The following CEP128 variants were observed in gnomAD, a reference collection of about 807,000 sequenced individuals.
The protein encoded by CEP128 is centrosomal protein 128kDa.
A neutral mutation model predicts 156.7 loss-of-function variants in CEP128; 132 were observed. That is an observed-to-expected ratio of 0.84 (90% CI 0.73 to 0.97). CEP128 has a LOEUF of 0.97. Among genes scored for constraint, CEP128 ranks in the 50% least tolerant of loss-of-function variants. CEP128 has a pLI of 0.00. For missense variants in CEP128, 1,252 were observed against 1,281.9 expected (o/e 0.98, Z 0.36); for synonymous variants, 469 against 448.9 (o/e 1.04, Z -0.57).
chr14:80,630,837 A>G (rs2597083), intron 19 of CEP128, among the ~76,000 whole-genome samples: 53,993 of 151,836 alleles, frequency 0.36, 11,453 homozygotes, highest in African/African-American at 0.6. Context: ...CACCATCAGC[A>G]CGCATTGTAA....
chr14:80,664,759 TAAC>T (rs1458784240), intron 19 of CEP128, among the ~76,000 whole-genome samples: 1 of 152,164 alleles, frequency 6.6e-6, no homozygotes, highest in African/African-American at 2.4e-5. Flanking sequence ...CAGTATATCT[TAAC>T]ATTATCAGTG....
intron 16 of CEP128, among the ~76,000 whole-genome samples, chr14:80,766,972 T>C (rs1421479429): frequency 6.6e-6 from 1 of 152,156 alleles, no homozygotes; most frequent in Non-Finnish European, 1.5e-5. Context: ...GGAAGAATAT[T>C]TTCATAACTC....
chr14:80,792,729 A>G, intron 14 of CEP128, 31 bp downstream of exon 14: 1 of 1,566,208 alleles, frequency 6.4e-7, no homozygotes, highest in Middle Eastern at 1.7e-4. Context: ...ATCACATTGA[A>G]AACCGTTCCT....
At chr14:80,747,016 C>A (rs1899136469) in intron 18 of CEP128, among the ~76,000 whole-genome samples, 1 of 152,186 alleles carries the variant, frequency 6.6e-6, no homozygotes, top group Non-Finnish European at 1.5e-5. Flanking sequence ...AAATGTAAAT[C>A]AAAACCACAG....
intron 19 of CEP128, among the ~76,000 whole-genome samples, chr14:80,582,330 T>A (rs1015537317): frequency 6.6e-6 from 1 of 152,180 alleles, no homozygotes; most frequent in African/African-American, 2.4e-5. Flanking sequence ...AGCAATGAGA[T>A]GCTATTTGAA....
intron 13 of CEP128, among the ~76,000 whole-genome samples, chr14:80,794,318 T>C (rs745957529): frequency 6.6e-6 from 1 of 152,224 alleles, no homozygotes; most frequent in Non-Finnish European, 1.5e-5. Flanking sequence ...TTTGACATTA[T>C]GGCAAACATT....
intron 23 of CEP128, among the ~76,000 whole-genome samples, chr14:80,524,962 G>A (rs764401380): frequency 8.5e-5 from 13 of 152,124 alleles, no homozygotes; most frequent in Admixed American, 1.3e-4. Context: ...ACAGAACTCC[G>A]ATGAGATTAC....
intron 19 of CEP128, among the ~76,000 whole-genome samples, chr14:80,734,267 T>C (rs77840209): frequency 0.027 from 4,037 of 152,172 alleles, 181 homozygotes; most frequent in African/African-American, 0.092. Context: ...AATATAATAA[T>C]GAATACAGAA....
intron 2 of CEP128, among the ~76,000 whole-genome samples, chr14:80,947,414 A>G (rs1051786433): frequency 4.6e-5 from 7 of 152,216 alleles, no homozygotes; most frequent in South Asian, 2.1e-4. Flanking sequence ...TGGATTTTGC[A>G]TATTAAACAC....
intron 19 of CEP128, among the ~76,000 whole-genome samples, chr14:80,597,904 T>TA (rs1353136918): frequency 3.4e-5 from 1 of 29,020 alleles, no homozygotes; most frequent in Admixed American, 4.4e-4. Context: ...CCATTTATGA[T>TA]AAAAATAAAC....
At chr14:80,575,135 T>C (rs1234898002) in intron 20 of CEP128, among the ~76,000 whole-genome samples, 2 of 149,546 alleles carry the variant, frequency 1.3e-5, no homozygotes, top group Non-Finnish European at 3.0e-5. Flanking sequence ...AATTAAAATC[T>C]ATTATATAGT....
At chr14:80,756,770 C>A in intron 18 of CEP128, 122 bp downstream of exon 18, 1 of 652,824 alleles carries the variant, frequency 1.5e-6, no homozygotes, top group South Asian at 1.9e-5. Context: ...GATATCTTCC[C>A]CTGCAATTAA....
chr14:80,884,240 AGTTAAAAAGCTT>A (rs1222253558), intron 8 of CEP128, among the ~76,000 whole-genome samples: 1 of 152,210 alleles, frequency 6.6e-6, no homozygotes, highest in African/African-American at 2.4e-5. Flanking sequence ...GATCACATCA[AGTTAAAAAGCTT>A]GCACACAGCG....
chr14:80,636,941 C>T (rs1336355091), intron 19 of CEP128, among the ~76,000 whole-genome samples: 1 of 151,954 alleles, frequency 6.6e-6, no homozygotes, highest in Non-Finnish European at 1.5e-5. Context: ...ACAAAATTAG[C>T]CAGGCGTGGT....
chr14:80,829,060 A>G (rs577712716), intron 13 of CEP128, among the ~76,000 whole-genome samples: 1 of 152,338 alleles, frequency 6.6e-6, no homozygotes, highest in Admixed American at 6.5e-5. Context: ...CATGACTTTG[A>G]GAACAGCTTG....
At chr14:80,749,014 A>G (rs923397620) in intron 18 of CEP128, among the ~76,000 whole-genome samples, 5 of 152,150 alleles carry the variant, frequency 3.3e-5, no homozygotes, top group African/African-American at 4.8e-5. Flanking sequence ...AATAGTCACC[A>G]TAAGCCCTGG....
chr14:80,595,407 C>T (rs1163206513), intron 19 of CEP128, among the ~76,000 whole-genome samples: 2 of 152,208 alleles, frequency 1.3e-5, no homozygotes, highest in East Asian at 1.9e-4. Flanking sequence ...ACCACCATGG[C>T]ACCTGTATAC....
intron 19 of CEP128, among the ~76,000 whole-genome samples, chr14:80,624,433 T>C (rs1893623056): frequency 6.6e-6 from 1 of 152,206 alleles, no homozygotes; most frequent in Admixed American, 6.5e-5. Context: ...CTCCTCTGGA[T>C]AAATACTCAG....
rs1900884966 is a variant in CEP128 at position 80,777,931 on chromosome 14, T to C, written c.2327A>G (p.Lys776Arg). 1 of 1,612,596 alleles carries C rather than the reference T, an allele frequency of 6.2e-7. No homozygotes were observed. Among genetic ancestry groups the C allele is most frequent in the African/African-American group, 1.3e-5 (1 of 74,884 alleles). The part of the protein sequence containing the change: ...EELTQNENEN[K>R]KLKLKYQCLK... ...ACATTGATATTTTAGCTTCAGTTTT[T>C]TGTTCTCATTTTCATTCTGGGTTAA... The change falls in exon 16 of 25, where the codon AAA (lysine) becomes AGA (arginine). Residue 776 changes from lysine to arginine, a missense_variant. Coordinates refer to ENST00000555265, the MANE Select transcript of CEP128 (RefSeq NM_152446.5).
Sources: allele counts gnomAD v4.1 joint callset (sites outside exome capture counted in the v4.1 genomes callset), GRCh38; gene constraint gnomAD v4.1.1; transcripts MANE v1.5; gene names NCBI Gene and HGNC (gene_info 2026-07-23, HGNC 2026-07-21).